The following HERC5 variants were observed in gnomAD, a reference collection of about 807,000 sequenced individuals.
The protein encoded by HERC5 is HECT and RLD domain containing E3 ubiquitin protein ligase 5.
Under a neutral mutation model 119.6 loss-of-function variants are expected in HERC5, and 99 were observed. That is an observed-to-expected ratio of 0.83 (90% CI 0.70 to 0.98). The LOEUF (loss-of-function observed/expected upper bound fraction) is 0.98. HERC5 is among the 50% of genes least tolerant of loss of function. The pLI, the probability that HERC5 is intolerant of heterozygous loss-of-function variation, is 0.00. For synonymous variants in HERC5, 478 were observed against 445.9 expected, an observed-to-expected ratio of 1.07 and a Z score of -0.91; for missense variants, 1,267 against 1,241.3, an observed-to-expected ratio of 1.02 and a Z score of -0.31.
chr4:88,504,910 T>A (rs1370565851), intron 22 of HERC5, among the ~76,000 whole-genome samples: 2 of 152,238 alleles, frequency 1.3e-5, no homozygotes, highest in African/African-American at 2.4e-5. Flanking sequence ...TAAAATATTT[T>A]ATTTGGCTAA....
At chr4:88,475,237 T>A (rs1741018010) in intron 11 of HERC5, among the ~76,000 whole-genome samples, 2 of 151,566 alleles carry the variant, frequency 1.3e-5, no homozygotes, top group African/African-American at 4.8e-5. Context: ...AATATGGTAC[T>A]TATGACTGAG....
intron 17 of HERC5, 35 bp downstream of exon 17, chr4:88,493,190 G>T (rs368597927): frequency 1.9e-6 from 3 of 1,604,062 alleles, no homozygotes; most frequent in South Asian, 2.2e-5. Flanking sequence ...GGTATTTTGC[G>T]ACAGAAAAAG....
At chr4:88,491,609 T>G (rs1307610984) in intron 16 of HERC5, among the ~76,000 whole-genome samples, 1 of 152,118 alleles carries the variant, frequency 6.6e-6, no homozygotes, top group Non-Finnish European at 1.5e-5. Context: ...GGAGATGAGA[T>G]ATGAGAAAAA....
intron 6 of HERC5, 77 bp from the exon 7 acceptor site, chr4:88,466,982 G>T: frequency 1.4e-6 from 2 of 1,406,024 alleles, no homozygotes; most frequent in Non-Finnish European, 1.0e-6. Flanking sequence ...ACATAGTTTT[G>T]GCAATTTACT....
chr4:88,464,779 A>T (rs1367205006), intron 6 of HERC5, among the ~76,000 whole-genome samples: 5 of 150,232 alleles, frequency 3.3e-5, no homozygotes, highest in East Asian at 1.9e-4. Flanking sequence ...TTTATTTATT[A>T]TTTTTTTTTG....
At chr4:88,468,292 C>A in intron 7 of HERC5, 54 bp from the exon 8 acceptor site, 1 of 1,190,236 alleles carries the variant, frequency 8.4e-7, no homozygotes, top group Non-Finnish European at 1.2e-6. Flanking sequence ...ATTGAACATG[C>A]ATGTTTGTGC....
chr4:88,500,933 G>A lies in HERC5; in HGVS notation c.2530G>A (p.Asp844Asn), dbSNP rs200562632. ...IHFNVHWDRN[D>N]TNLIPNGSSI... The stretch of plus-strand genomic sequence containing the variant: ...GTTACAGGTGCACTGGGACAGAAAC[G>A]ACACAAACTTAATTCCTAATGGAAG... The change falls in exon 20 of 23, where the codon GAC becomes AAC. Residue 844 changes from aspartate to asparagine, a missense_variant. Asp to Asn is a conservative substitution (Grantham distance 23, BLOSUM62 1). Around this residue, in one of 3 missense-constraint regions of HERC5, gnomAD observed 473 missense variants for 445.7 expected, o/e 1.06. Transcript: ENST00000264350. 8 of 1,611,384 alleles carry A rather than the reference G, an allele frequency of 5.0e-6. No homozygotes were observed. Among genetic ancestry groups the A allele is most frequent in the Non-Finnish European group, 6.8e-6 (8 of 1,179,206 alleles).
chr4:88,462,071 C>T (rs1740461895), intron 3 of HERC5, 64 bp from the exon 4 acceptor site: 5 of 1,365,926 alleles, frequency 3.7e-6, no homozygotes, highest in Admixed American at 3.8e-5. Context: ...ATGCATAATG[C>T]TTTAGGGTAA....
At chr4:88,469,400 C>G (rs1182692438) in intron 9 of HERC5, 140 bp downstream of exon 9, 5 of 678,058 alleles carry the variant, frequency 7.4e-6, no homozygotes, top group African/African-American at 1.8e-5. Context: ...GTATTTCTGT[C>G]TCTATCTTTA....
At chr4:88,484,167 GT>G (rs1741380674) in intron 13 of HERC5, among the ~76,000 whole-genome samples, 2 of 152,036 alleles carry the variant, frequency 1.3e-5, no homozygotes. Flanking sequence ...ACTCGAATTT[GT>G]TCTTTAAATT....
chr4:88,492,660 C>T lies in HERC5; in HGVS notation c.2134-352C>T, dbSNP rs183613494. Among the ~76,000 whole-genome samples the T allele has an allele frequency of 2.9e-3, 436 of 152,008 alleles. 3 individuals carry two copies. The highest frequency in any genetic ancestry group is 0.021 in the Admixed American group (321 of 15,256). On this transcript the variant is annotated intron_variant, in intron 16 of 22. Coordinates refer to ENST00000264350, the MANE Select transcript of HERC5 (RefSeq NM_016323.4). ...ACTCTGGGGGCTGAGGCAGGAGAAT[C>T]GCTTAAACCCAGGAGGCGGAGGTTG... is the stretch of plus-strand genomic sequence containing the variant.
intron 5 of HERC5, 113 bp downstream of exon 5, chr4:88,463,736 T>C (rs1578465493): frequency 1.4e-6 from 2 of 1,380,306 alleles, no homozygotes; most frequent in South Asian, 2.5e-5. Flanking sequence ...GGACTGTCCT[T>C]CTGATATTTA....
chr4:88,476,491 T>TA (rs1177290644), intron 12 of HERC5, among the ~76,000 whole-genome samples: 2 of 152,230 alleles, frequency 1.3e-5, no homozygotes, highest in East Asian at 1.9e-4. Context: ...ATTATGGTAT[T>TA]AGAGTCAGCA....
intron 13 of HERC5, among the ~76,000 whole-genome samples, chr4:88,484,520 C>T (rs1474396631): frequency 6.6e-6 from 1 of 152,180 alleles, no homozygotes; most frequent in East Asian, 1.9e-4. Context: ...AAGGAGAGCT[C>T]TTTTGTAATT....
chr4:88,504,123 C>G, intron 20 of HERC5, 109 bp from the exon 21 acceptor site: 1 of 658,956 alleles, frequency 1.5e-6, no homozygotes, highest in Non-Finnish European at 2.6e-6. Context: ...GTCCATGGCA[C>G]ATGGTAGGTA....
At chr4:88,501,111 T>G in intron 20 of HERC5, 126 bp downstream of exon 20, 1 of 626,088 alleles carries the variant, frequency 1.6e-6, no homozygotes, top group Non-Finnish European at 2.8e-6. Context: ...GGCAGAGAAG[T>G]TGGTGTGTGT....
chr4:88,499,658 C>T (rs1411261085), intron 18 of HERC5, among the ~76,000 whole-genome samples: 1 of 152,224 alleles, frequency 6.6e-6, no homozygotes, highest in African/African-American at 2.4e-5. Flanking sequence ...TAGAAACCTA[C>T]AATCATTAGG....
chr4:88,460,198 T>A (rs1479390587), intron 3 of HERC5, 27 bp downstream of exon 3: 1 of 1,196,846 alleles, frequency 8.4e-7, no homozygotes, highest in Non-Finnish European at 1.2e-6. Context: ...ATTAATAGTT[T>A]TGTAGAAGTA....
chr4:88,505,405 C>T (rs923133469), intron 22 of HERC5, among the ~76,000 whole-genome samples: 12 of 152,188 alleles, frequency 7.9e-5, no homozygotes, highest in East Asian at 7.7e-4. Context: ...GACACCTCTT[C>T]GGGCTGTCTT....
Sources: allele counts gnomAD v4.1 joint callset (sites outside exome capture counted in the v4.1 genomes callset), GRCh38; gene constraint gnomAD v4.1.1; regional missense constraint gnomAD v4.1.1; transcripts MANE v1.5; gene names NCBI Gene and HGNC (gene_info 2026-07-23, HGNC 2026-07-21).